ASTN2: variants seen among roughly 807,000 people sequenced by gnomAD.
The protein encoded by ASTN2 is astrotactin-2.
ASTN2 carries 54 observed loss-of-function variants against 139.8 expected under a neutral mutation model. That is an observed-to-expected ratio of 0.39 (90% CI 0.31 to 0.48). The LOEUF is 0.48. ASTN2 is among the 20% of genes least tolerant of loss of function. The pLI is 0.95. For missense variants in ASTN2, 1,565 were observed against 1,725.1 expected, an observed-to-expected ratio of 0.91 and a Z score of 1.64; for synonymous variants, 756 against 719.5, an observed-to-expected ratio of 1.05 and a Z score of -0.81.
chr9:116,512,290 G>A (rs1211794689), intron 19 of ASTN2, among the ~76,000 whole-genome samples: 1 of 152,196 alleles, frequency 6.6e-6, no homozygotes, highest in Non-Finnish European at 1.5e-5. Context: ...ACGTTGCTCA[G>A]TTTCCAGGTA....
chr9:116,838,580 T>A (rs564336944), intron 11 of ASTN2, among the ~76,000 whole-genome samples: 80 of 140,412 alleles, frequency 5.7e-4, no homozygotes, highest in African/African-American at 1.9e-3. Context: ...TGTGCTACCA[T>A]GCCCAGCAAT....
intron 5 of ASTN2, among the ~76,000 whole-genome samples, chr9:117,052,433 T>TA (rs375714439): frequency 6.6e-4 from 82 of 124,928 alleles, no homozygotes; most frequent in South Asian, 1.7e-3. Flanking sequence ...AGACTCCATC[T>TA]TAAAAAAAAA....
intron 5 of ASTN2, among the ~76,000 whole-genome samples, chr9:117,057,122 A>G (rs1283912712): frequency 2.0e-5 from 3 of 152,196 alleles, no homozygotes; most frequent in Non-Finnish European, 4.4e-5. Flanking sequence ...TGCTTAATAT[A>G]GAGTTCTCAG....
intron 2 of ASTN2, among the ~76,000 whole-genome samples, chr9:117,238,824 T>A (rs1233224885): frequency 6.6e-6 from 1 of 152,126 alleles, no homozygotes; most frequent in African/African-American, 2.4e-5. Context: ...TGGCACCCAA[T>A]AACACCCCAA....
intron 1 of ASTN2, among the ~76,000 whole-genome samples, chr9:117,379,848 G>A (rs1044093740): frequency 6.6e-6 from 1 of 152,130 alleles, no homozygotes. Context: ...CCATTAACAT[G>A]GCTGAAAAGT....
chr9:117,098,400 C>T (rs996454146), intron 4 of ASTN2, among the ~76,000 whole-genome samples: 1 of 152,176 alleles, frequency 6.6e-6, no homozygotes, highest in African/African-American at 2.4e-5. Flanking sequence ...GATGCTGCCT[C>T]TCAGTTTAAG....
At chr9:116,676,325 A>G (rs1009714731) in intron 16 of ASTN2, among the ~76,000 whole-genome samples, 3 of 152,206 alleles carry the variant, frequency 2.0e-5, no homozygotes, top group African/African-American at 7.2e-5. Context: ...GACTAGTCTT[A>G]GGCCATAGCA....
Position 117,414,485 on chromosome 9 carries a change from G to A in ASTN2, c.442+12C>T. ...TCCTTGGGATCTAGCGCGTGCCGGC[G>A]CCCAGCCTTACCCAGGGTGAAGAAG... On this transcript the variant is annotated intron_variant, in intron 1 of 22. Transcript: ENST00000313400. The surrounding 1 kb of genome is among the most constrained non-coding windows in gnomAD (Gnocchi z 4.2). 1.2e-6 allele frequency: 2 copies of A among 1,607,802 alleles called. No individual in the cohort carries two copies. The highest frequency in any genetic ancestry group is 2.3e-5 in the East Asian group (1 of 44,258).
At chr9:116,716,108 A>G (rs919818179) in intron 16 of ASTN2, among the ~76,000 whole-genome samples, 1 of 152,088 alleles carries the variant, frequency 6.6e-6, no homozygotes, top group Non-Finnish European at 1.5e-5. Flanking sequence ...CTATCTAACA[A>G]TCCTGCTCCC....
chr9:117,291,002 C>T (rs1237771476), intron 2 of ASTN2, among the ~76,000 whole-genome samples: 1 of 152,204 alleles, frequency 6.6e-6, no homozygotes, highest in African/African-American at 2.4e-5. Flanking sequence ...AATCACCAAA[C>T]CTCAGCCCTC....
intron 6 of ASTN2, among the ~76,000 whole-genome samples, chr9:117,025,586 A>G (rs1353443677): frequency 1.3e-5 from 2 of 151,760 alleles, no homozygotes; most frequent in African/African-American, 2.4e-5. Context: ...CAGACTGATC[A>G]CTCTCTCATC....
intron 19 of ASTN2, chr9:116,543,878 G>A (rs1851980482): frequency 1.3e-5 from 2 of 152,132 alleles, no homozygotes; most frequent in Admixed American, 6.5e-5. Context: ...TGAGCTACAG[G>A]GCCCAGTGGA....
At chr9:117,146,774 C>T (rs1027276017) in intron 3 of ASTN2, among the ~76,000 whole-genome samples, 1 of 152,046 alleles carries the variant, frequency 6.6e-6, no homozygotes, top group African/African-American at 2.4e-5. Flanking sequence ...TAATGTAATA[C>T]CACCTGTTCT....
At chr9:116,877,173 A>G (rs376116962) in intron 10 of ASTN2, among the ~76,000 whole-genome samples, 20 of 152,238 alleles carry the variant, frequency 1.3e-4, no homozygotes, top group African/African-American at 4.8e-4. Flanking sequence ...TAGGGGAAGG[A>G]CACAGAAACA....
chr9:116,972,102 C>T (rs1051942611), intron 10 of ASTN2, among the ~76,000 whole-genome samples: 3 of 152,234 alleles, frequency 2.0e-5, no homozygotes, highest in African/African-American at 7.2e-5. Flanking sequence ...ATCAGCATCA[C>T]ATAAGCCCAC....
chr9:116,790,321 G>A (rs968586070), intron 13 of ASTN2, among the ~76,000 whole-genome samples: 6 of 152,208 alleles, frequency 3.9e-5, no homozygotes, highest in African/African-American at 7.2e-5. Context: ...AGAAAACTGA[G>A]GCTTAGAAAG....
intron 6 of ASTN2, among the ~76,000 whole-genome samples, chr9:117,010,145 G>A (rs1564382495): frequency 6.6e-6 from 1 of 152,070 alleles, no homozygotes; most frequent in Non-Finnish European, 1.5e-5. Context: ...ATTTCAAGTT[G>A]GCCCTAAAGT....
At chr9:116,649,489 G>A (rs1032612654) in intron 17 of ASTN2, among the ~76,000 whole-genome samples, 6 of 150,632 alleles carry the variant, frequency 4.0e-5, no homozygotes, top group East Asian at 2.0e-4. Flanking sequence ...CAGGAGAATC[G>A]CTTGAACCCA....
intron 3 of ASTN2, among the ~76,000 whole-genome samples, chr9:117,158,441 T>C (rs371156310): frequency 6.6e-6 from 1 of 152,206 alleles, no homozygotes. Flanking sequence ...TATATCCCGA[T>C]ATATCCAGAA....
Sources: gnomAD v4.1 joint callset for allele counts (sites outside exome capture counted in the v4.1 genomes callset) on GRCh38, gnomAD v4.1.1 for gene constraint, Gnocchi (gnomAD v3.1) non-coding constraint, MANE v1.5 for transcripts, NCBI Gene and HGNC (gene_info 2026-07-23, HGNC 2026-07-21) for gene names.